STAU1: variants seen among roughly 807,000 people sequenced by gnomAD.
The protein encoded by STAU1 is staufen double-stranded RNA binding protein 1.
A neutral mutation model predicts 62.9 loss-of-function variants in STAU1; 13 were observed. The ratio of observed to expected loss-of-function variants is 0.21; its 90% CI spans 0.13 to 0.33. STAU1 has a LOEUF of 0.33. Among genes scored for constraint, STAU1 ranks in the 10% least tolerant of loss-of-function variants. The probability of loss-of-function intolerance (pLI) is 1.00; values close to 1 mark genes in which losing one functional copy is unlikely to be tolerated. For missense variants in STAU1, 571 were observed against 712.1 expected (o/e 0.80, Z 2.25); for synonymous variants, 269 against 265.1 (o/e 1.01, Z -0.14).
Position 49,115,056 on chromosome 20 carries a change from G to A in STAU1, c.1719-163C>T, listed in dbSNP as rs143306903. On this transcript the variant is annotated intron_variant, in intron 13 of 13. Coordinates refer to ENST00000371856, the MANE Select transcript of STAU1 (RefSeq NM_017453.4). ...CAGGGTATGCCAGTAAGTAAAATAC[G>A]CAAGGAGAGTGTGTGTACTTATCTC... Among the ~76,000 whole-genome samples the A allele has an allele frequency of 7.9e-3, 1,206 of 152,126 alleles. 9 individuals carry two copies. The highest frequency in any genetic ancestry group is 0.013 in the Non-Finnish European group (855 of 67,980).
At chr20:49,122,877 A>G (rs1047814308) in intron 8 of STAU1, among the ~76,000 whole-genome samples, 1 of 152,148 alleles carries the variant, frequency 6.6e-6, no homozygotes, top group Non-Finnish European at 1.5e-5. Flanking sequence ...AGACAGCACC[A>G]CTGCACTCCA....
rs1451976122 is a variant in STAU1, at chr20:49,158,153, G to A, written c.206-4082C>T. ...AAAAATTAGCCACGTGTGGTAGTAC[G>A]TGTCTGTAATCCCAGCTACTCAGGA... On this transcript the variant is annotated intron_variant, in intron 3 of 13. Transcript: ENST00000371856. Among the ~76,000 whole-genome samples, 3 of 151,896 alleles carry A rather than the reference G, an allele frequency of 2.0e-5. No homozygotes were observed. In the East Asian group the frequency reaches 5.9e-4, roughly 30 times the overall value.
intron 6 of STAU1, among the ~76,000 whole-genome samples, chr20:49,132,406 C>A (rs1232954102): frequency 6.6e-6 from 1 of 152,138 alleles, no homozygotes; most frequent in African/African-American, 2.4e-5. Context: ...ACAATTGTCT[C>A]CCGATGACCG....
At position 49,149,809 on chromosome 20, in the gene STAU1, G is replaced by A. The variant is rs533606915; in HGVS notation, c.510+1773C>T. 2.2e-4 allele frequency among the ~76,000 whole-genome samples: 34 copies of A among 152,286 alleles called. 1 individual carries two copies. Among genetic ancestry groups the A allele is most frequent in the African/African-American group, 8.2e-4 (34 of 41,546 alleles). On this transcript the variant is annotated intron_variant, in intron 5 of 13. Transcript: ENST00000371856. ...AACAAAAGAAAAACAAATCGCTCCTGTGCGGCCAGCCATGAAGCCCAAGTT... is the reference window on the plus strand; with the variant it reads ...AACAAAAGAAAAACAAATCGCTCCTATGCGGCCAGCCATGAAGCCCAAGTT...
intron 8 of STAU1, 47 bp downstream of exon 8, chr20:49,123,045 C>T: frequency 1.3e-6 from 2 of 1,526,520 alleles, no homozygotes; most frequent in Non-Finnish European, 1.8e-6. Context: ...GCCCCCAAGG[C>T]TGGACGTGGT....
Position 49,157,604 on chromosome 20 carries a change from T to C in STAU1, c.206-3533A>G, listed in dbSNP as rs916572961. Among the ~76,000 whole-genome samples the C allele has an allele frequency of 3.3e-5, 5 of 152,052 alleles. No homozygotes were observed. In the South Asian group the frequency reaches 1.0e-3, roughly 32 times the overall value. ...AAGCGATTCTCCTGCCTCAGCCTCC[T>C]GAGTAGCTGGGACTACAGGCATGCA... On this transcript the variant is annotated intron_variant, in intron 3 of 13. Transcript: ENST00000371856.
chr20:49,173,492 G>A (rs140185487), intron 2 of STAU1, among the ~76,000 whole-genome samples: 3 of 152,158 alleles, frequency 2.0e-5, no homozygotes, highest in African/African-American at 4.8e-5. Flanking sequence ...ATCCAGTGTG[G>A]TGAGTTTAAA....
chr20:49,150,256 G>C (rs1313431487), intron 5 of STAU1, among the ~76,000 whole-genome samples: 1 of 152,002 alleles, frequency 6.6e-6, no homozygotes, highest in Non-Finnish European at 1.5e-5. Context: ...CTAATTCTTT[G>C]ACAATCCTTT....
chr20:49,162,426 T>G (rs554478219), intron 3 of STAU1, among the ~76,000 whole-genome samples: 17 of 152,196 alleles, frequency 1.1e-4, no homozygotes, highest in Admixed American at 5.2e-4. Context: ...CAAGGAATTG[T>G]GGGGGTGGCA....
At chr20:49,118,550 C>T in intron 9 of STAU1, 142 bp from the exon 10 acceptor site, 1 of 654,748 alleles carries the variant, frequency 1.5e-6, no homozygotes, top group Non-Finnish European at 2.6e-6. Flanking sequence ...CACCTGACCA[C>T]TGGCACCCTG....
At chr20:49,174,935 A>C (rs945359447) in intron 1 of STAU1, among the ~76,000 whole-genome samples, 14 of 144,882 alleles carry the variant, frequency 9.7e-5, no homozygotes, top group Non-Finnish European at 1.5e-4. Context: ...CTCCGTCACA[A>C]AAAAAAAAAA....
At chr20:49,216,007 C>CAAAAAAAAAAAAAAAAAA in the STAU1 span, among the ~76,000 whole-genome samples, 2 of 36,452 alleles carry the variant, frequency 5.5e-5, no homozygotes, top group Non-Finnish European at 1.0e-4. Context: ...GACTATGTCT[C>CAAAAAAAAAAAAAAAAAA]AAAAAAAAAA....
At chr20:49,118,625 C>T (rs904636507) in intron 9 of STAU1, among the ~76,000 whole-genome samples, 1 of 152,200 alleles carries the variant, frequency 6.6e-6, no homozygotes, top group Non-Finnish European at 1.5e-5. Context: ...CCCCTGCCCA[C>T]AAAGAGCATC....
At chr20:49,123,385 G>A in intron 7 of STAU1, 150 bp from the exon 8 acceptor site, 2 of 937,064 alleles carry the variant, frequency 2.1e-6, no homozygotes, top group Admixed American at 2.5e-5. Context: ...TTTTAACAAT[G>A]AAAAGATGCT....
the STAU1 span, among the ~76,000 whole-genome samples, chr20:49,218,468 G>A: frequency 1.3e-5 from 2 of 150,074 alleles, no homozygotes; most frequent in African/African-American, 4.9e-5. Context: ...CTCGTGATCC[G>A]CCCGCCTCGG....
At chr20:49,125,071 T>TAAAAAAAAAA (rs11473077) in intron 6 of STAU1, among the ~76,000 whole-genome samples, 1 of 83,852 alleles carries the variant, frequency 1.2e-5, no homozygotes, top group Non-Finnish European at 2.3e-5. Context: ...ACACATTAAG[T>TAAAAAAAAAA]AAAAAAAAAA....
intron 5 of STAU1, among the ~76,000 whole-genome samples, chr20:49,146,025 T>G (rs951600756): frequency 1.3e-5 from 2 of 152,214 alleles, no homozygotes; most frequent in African/African-American, 4.8e-5. Flanking sequence ...CCCAGCATTT[T>G]GGGAGGCCGA....
intron 5 of STAU1, among the ~76,000 whole-genome samples, chr20:49,142,631 G>C (rs2146123096): frequency 6.6e-6 from 1 of 152,230 alleles, no homozygotes; most frequent in Middle Eastern, 3.4e-3. Context: ...GGCCTGGATA[G>C]CAGTTTTATT....
chr20:49,170,073 CG>C (rs2093577567), intron 2 of STAU1, among the ~76,000 whole-genome samples: 1 of 152,016 alleles, frequency 6.6e-6, no homozygotes, highest in African/African-American at 2.4e-5. Context: ...ATGAGCGCTA[CG>C]AAAGTTTTTT....
Sources: allele counts gnomAD v4.1 joint callset (sites outside exome capture counted in the v4.1 genomes callset), GRCh38; gene constraint gnomAD v4.1.1; transcripts MANE v1.5; gene names NCBI Gene and HGNC (gene_info 2026-07-23, HGNC 2026-07-21).